The following TRAPPC9 variants were observed in gnomAD, a reference collection of about 807,000 sequenced individuals.
The protein encoded by TRAPPC9 is IKK2 binding protein.
TRAPPC9 carries 83 observed loss-of-function variants against 124.0 expected under a neutral mutation model. That is an observed-to-expected ratio of 0.67 (90% CI 0.56 to 0.80). The LOEUF is 0.80. Ranked by LOEUF, TRAPPC9 falls within the 30% of genes least tolerant of loss-of-function variation. The pLI is 0.00. For synonymous variants in TRAPPC9, 638 were observed against 617.5 expected (o/e 1.03, Z -0.49); for missense variants, 1,302 against 1,508.3 (o/e 0.86, Z 2.27).
At chr8:139,876,169 T>C (rs1829308960) in intron 21 of TRAPPC9, among the ~76,000 whole-genome samples, 2 of 152,248 alleles carry the variant, frequency 1.3e-5, no homozygotes, top group Admixed American at 1.3e-4. Flanking sequence ...ACGTTCTCGC[T>C]GTAGGGACAT....
chr8:140,368,558 C>T (rs905048733), intron 8 of TRAPPC9, among the ~76,000 whole-genome samples: 1 of 152,160 alleles, frequency 6.6e-6, no homozygotes, highest in Non-Finnish European at 1.5e-5. Context: ...ATCTGCTTCA[C>T]GCAGGGCCTT....
intron 21 of TRAPPC9, among the ~76,000 whole-genome samples, chr8:139,800,934 G>A (rs1229641592): frequency 1.7e-4 from 22 of 131,542 alleles, no homozygotes; most frequent in African/African-American, 4.1e-4. Context: ...CCCTCCCTCC[G>A]GCACCTTCCC....
chr8:139,789,470 T>TC lies in TRAPPC9; in HGVS notation c.3056-57269dup, dbSNP rs972203372. The stretch of plus-strand genomic sequence containing the variant: ...ACATGCCTGTTTAGATGTGGCCTCA[T>TC]CCCCCCCCAGGATATCTACATCTCA... On this transcript the variant is annotated intron_variant, in intron 21 of 22. Coordinates refer to ENST00000438773, the MANE Select transcript of TRAPPC9 (RefSeq NM_001160372.4). Among the ~76,000 whole-genome samples, 155 of 151,074 alleles carry TC rather than the reference T, an allele frequency of 1.0e-3. 3 individuals carry two copies. The highest frequency in any genetic ancestry group is 2.4e-4 in the Non-Finnish European group (16 of 67,724).
rs147700228 is a variant in TRAPPC9 at position 140,158,528 on chromosome 8, C to T, written c.2556+62931G>A. On this transcript the variant is annotated intron_variant, in intron 17 of 22. Coordinates refer to ENST00000438773, the MANE Select transcript of TRAPPC9 (RefSeq NM_001160372.4). ...CTACTGAGGCCTCTGGCCTCCAAAA[C>T]TGCAAGATAACAAATTTGTGTTGTT... Among the ~76,000 whole-genome samples, 73 of 152,358 alleles carry T rather than the reference C, an allele frequency of 4.8e-4. No individual in the cohort carries two copies. The East Asian group carries it at 0.013, about 28-fold the overall frequency.
intron 17 of TRAPPC9, among the ~76,000 whole-genome samples, chr8:140,118,605 G>A (rs1272818654): frequency 6.6e-6 from 1 of 152,244 alleles, no homozygotes; most frequent in Non-Finnish European, 1.5e-5. Context: ...ACACGTAATA[G>A]AAGCTGGGCC....
At chr8:140,341,132 A>G (rs980724596) in intron 9 of TRAPPC9, among the ~76,000 whole-genome samples, 1 of 152,174 alleles carries the variant, frequency 6.6e-6, no homozygotes, top group African/African-American at 2.4e-5. Context: ...TAAAAACACA[A>G]AAAGACTACA....
chr8:140,020,598 C>T (rs1839778657), intron 18 of TRAPPC9, among the ~76,000 whole-genome samples: 1 of 152,018 alleles, frequency 6.6e-6, no homozygotes, highest in Admixed American at 6.6e-5. Context: ...TGCATTCCCA[C>T]CTGGACAATG....
rs373959994 is a variant in TRAPPC9, at chr8:139,734,208, CAAG to C, written c.3056-2009_3056-2007del. Among the ~76,000 whole-genome samples the C allele has an allele frequency of 3.7e-3, 567 of 152,340 alleles. 2 individuals carry two copies. Among genetic ancestry groups the C allele is most frequent in the African/African-American group, 0.013 (531 of 41,576 alleles). ...AGCAGAGGATCTCGTGGCCAAGGCACAAGAAGAAGGACTCCTGGGACATCAGTG... is the reference window on the plus strand; with the variant it reads ...AGCAGAGGATCTCGTGGCCAAGGCACAAGAAGGACTCCTGGGACATCAGTG... On this transcript the variant is annotated intron_variant, in intron 21 of 22. Transcript: ENST00000438773.
chr8:140,208,704 G>A (rs76476360), intron 17 of TRAPPC9, among the ~76,000 whole-genome samples: 44,695 of 152,160 alleles, frequency 0.29, 7,068 homozygotes, highest in East Asian at 0.58. Context: ...GGCACTGGAA[G>A]TGCAGAGGTT....
intron 7 of TRAPPC9, among the ~76,000 whole-genome samples, chr8:140,382,515 C>T (rs1179318698): frequency 6.6e-6 from 1 of 151,430 alleles, no homozygotes; most frequent in Non-Finnish European, 1.5e-5. Context: ...CTGGGAGGGT[C>T]CCACGCCCGG....
intron 20 of TRAPPC9, among the ~76,000 whole-genome samples, chr8:139,895,143 A>C (rs1307523075): frequency 6.6e-6 from 1 of 152,118 alleles, no homozygotes; most frequent in African/African-American, 2.4e-5. Context: ...GCAAAACGAC[A>C]TCTCCAGAGG....
intron 21 of TRAPPC9, among the ~76,000 whole-genome samples, chr8:139,836,386 C>T (rs575497153): frequency 2.0e-5 from 3 of 152,212 alleles, no homozygotes; most frequent in African/African-American, 7.2e-5. Flanking sequence ...TCTGACCCTG[C>T]GCCCGGCACT....
rs1817630890 is a variant in TRAPPC9 at position 139,727,736 on chromosome 8, A to G, written c.*3325T>C. 6.6e-6 allele frequency among the ~76,000 whole-genome samples: 1 copy of G among 152,168 alleles called. No homozygotes were observed. On this transcript the variant is annotated 3_prime_UTR_variant, in exon 23 of 23. Transcript: ENST00000438773. ...CTACAGGTCCGGACTTTGCTTGAAT[A>G]CTTCTATTGACAAAGAGCTCACTCC...
intron 17 of TRAPPC9, among the ~76,000 whole-genome samples, chr8:140,211,502 T>C (rs2063060999): frequency 1.3e-5 from 2 of 152,182 alleles, no homozygotes; most frequent in Non-Finnish European, 2.9e-5. Context: ...AAGGCTACAG[T>C]GTGCTGTGAT....
intron 19 of TRAPPC9, among the ~76,000 whole-genome samples, chr8:139,943,475 A>G (rs1834031149): frequency 6.6e-6 from 1 of 152,260 alleles, no homozygotes; most frequent in Non-Finnish European, 1.5e-5. Context: ...GACTCCACAC[A>G]TAAGATGACA....
chr8:140,229,703 G>A (rs1023010338), intron 16 of TRAPPC9, among the ~76,000 whole-genome samples: 7 of 151,942 alleles, frequency 4.6e-5, no homozygotes, highest in African/African-American at 7.3e-5. Context: ...GATTACAGGC[G>A]CACGCCACCA....
At chr8:139,901,685 T>TGGAG in intron 20 of TRAPPC9, among the ~76,000 whole-genome samples, 1 of 152,240 alleles carries the variant, frequency 6.6e-6, no homozygotes, top group East Asian at 1.9e-4. Context: ...ATAGGCTTCC[T>TGGAG]CTGGTAAGTG....
upstream of TRAPPC9, chr8:140,458,283 G>A: frequency 6.4e-7 from 1 of 1,554,618 alleles, no homozygotes; most frequent in Non-Finnish European, 8.7e-7. Flanking sequence ...CCGCTTACCA[G>A]TCCTTCAGGG....
intron 19 of TRAPPC9, among the ~76,000 whole-genome samples, chr8:139,980,189 T>C (rs777788933): frequency 8.5e-5 from 13 of 152,100 alleles, no homozygotes; most frequent in Non-Finnish European, 1.2e-4. Flanking sequence ...AGCCGCCCCA[T>C]AACTGGCACA....
Sources: gnomAD v4.1 joint callset for allele counts (sites outside exome capture counted in the v4.1 genomes callset) on GRCh38, gnomAD v4.1.1 for gene constraint, MANE v1.5 for transcripts, NCBI Gene and HGNC (gene_info 2026-07-23, HGNC 2026-07-21) for gene names.